ZNF722: variants seen among roughly 807,000 people sequenced by gnomAD.
The protein encoded by ZNF722 is zinc finger protein 722.
the ZNF722 span, among the ~76,000 whole-genome samples, chr7:64,001,751 TTTTG>T: frequency 2.4e-4 from 36 of 152,286 alleles, no homozygotes; most frequent in South Asian, 1.2e-3. Flanking sequence ...GCATCTGGTT[TTTTG>T]TTTGTTTATT....
At chr7:64,005,746 A>G in the ZNF722 span, 1 of 1,540,938 alleles carries the variant, frequency 6.5e-7, no homozygotes, top group Non-Finnish European at 8.8e-7. Flanking sequence ...TGGGTGAGGA[A>G]AACTTCAATA....
chr7:64,000,602 C>A, the ZNF722 span, among the ~76,000 whole-genome samples: 8 of 150,794 alleles, frequency 5.3e-5, no homozygotes, highest in Non-Finnish European at 1.0e-4. Flanking sequence ...AGGTACCCAC[C>A]ACCACACCTA....
the ZNF722 span, chr7:64,015,525 T>G: frequency 2.9e-5 from 46 of 1,613,288 alleles, no homozygotes; most frequent in Non-Finnish European, 3.9e-5. Context: ...TAGGTGGCCC[T>G]CAAACCTTAC....
the ZNF722 span, chr7:64,005,587 T>C: frequency 1.1e-6 from 1 of 944,092 alleles, no homozygotes; most frequent in Non-Finnish European, 1.7e-6. Flanking sequence ...TGAGTGTTTT[T>C]TGTTTTTGTT....
chr7:64,012,220 C>G, the ZNF722 span, among the ~76,000 whole-genome samples: 1 of 152,162 alleles, frequency 6.6e-6, no homozygotes, highest in Admixed American at 6.6e-5. Flanking sequence ...GTTCGAACAT[C>G]CTCCTTTAGC....
At chr7:64,001,483 C>T in the ZNF722 span, among the ~76,000 whole-genome samples, 3 of 152,156 alleles carry the variant, frequency 2.0e-5, no homozygotes, top group Admixed American at 6.6e-5. Flanking sequence ...TTTTCTTTAT[C>T]CACTCTACCA....
the ZNF722 span, among the ~76,000 whole-genome samples, chr7:64,007,235 T>C: frequency 1.6e-4 from 22 of 136,494 alleles, no homozygotes; most frequent in African/African-American, 5.3e-4. Context: ...TGTGTGTATA[T>C]ATATATATAT....
At chr7:64,003,567 G>C in the ZNF722 span, among the ~76,000 whole-genome samples, 4 of 152,024 alleles carry the variant, frequency 2.6e-5, no homozygotes, top group African/African-American at 9.7e-5. Context: ...CCATCTGTTT[G>C]GAACTTGCAA....
At chr7:64,000,783 G>T in the ZNF722 span, among the ~76,000 whole-genome samples, 1 of 149,960 alleles carries the variant, frequency 6.7e-6, no homozygotes, top group Non-Finnish European at 1.5e-5. Context: ...TTTTTTGGCG[G>T]GGGGAGCGGG....
the ZNF722 span, among the ~76,000 whole-genome samples, chr7:64,004,425 A>AAAAAAAAAAATATATATATAT: frequency 1.6e-5 from 1 of 61,108 alleles, no homozygotes; most frequent in African/African-American, 8.0e-5. Context: ...AAAAAAAAAA[A>AAAAAAAAAAATATATATATAT]ATATATATAT....
the ZNF722 span, among the ~76,000 whole-genome samples, chr7:64,007,812 C>G: frequency 6.6e-6 from 1 of 152,122 alleles, no homozygotes; most frequent in Non-Finnish European, 1.5e-5. Flanking sequence ...CTTGAGGAAT[C>G]GCCACACTGT....
chr7:64,013,802 T>G, the ZNF722 span, among the ~76,000 whole-genome samples: 2 of 152,156 alleles, frequency 1.3e-5, no homozygotes, highest in African/African-American at 4.8e-5. Context: ...CTTTTCAGCA[T>G]TTTATTTAGG....
the ZNF722 span, chr7:64,015,730 A>C: frequency 6.2e-6 from 10 of 1,613,808 alleles, no homozygotes; most frequent in Non-Finnish European, 8.5e-6. Context: ...CATACTGGAG[A>C]GAAACCCTAC....
chr7:64,013,282 T>A, the ZNF722 span, among the ~76,000 whole-genome samples: 1 of 152,160 alleles, frequency 6.6e-6, no homozygotes, highest in Non-Finnish European at 1.5e-5. Context: ...TTTTTGTCAA[T>A]ATTTGCTTTA....
At chr7:63,999,552 T>C in the ZNF722 span, among the ~76,000 whole-genome samples, 1 of 152,288 alleles carries the variant, frequency 6.6e-6, no homozygotes, top group Admixed American at 6.5e-5. Flanking sequence ...CCAAATTCAG[T>C]AATTGGTTTG....
chr7:63,999,241 C>G, the ZNF722 span, among the ~76,000 whole-genome samples: 1 of 152,164 alleles, frequency 6.6e-6, no homozygotes. Flanking sequence ...CTGGAGGCCT[C>G]TCTGGGCAGC....
chr7:64,001,322 C>T, the ZNF722 span, among the ~76,000 whole-genome samples: 3 of 152,182 alleles, frequency 2.0e-5, no homozygotes, highest in Admixed American at 1.3e-4. Flanking sequence ...TTTGCTCCCA[C>T]TTATAAGTGA....
the ZNF722 span, among the ~76,000 whole-genome samples, chr7:64,004,179 T>A: frequency 9.3e-5 from 14 of 150,830 alleles, no homozygotes; most frequent in South Asian, 2.9e-3. Flanking sequence ...GGCAGGCGGA[T>A]CATGTGAGGT....
the ZNF722 span, chr7:64,006,328 G>C: frequency 1.5e-6 from 2 of 1,292,624 alleles, no homozygotes; most frequent in Non-Finnish European, 1.1e-6. Flanking sequence ...AGGTAGGTGA[G>C]AGCGAATGAA....
Sources: allele counts gnomAD v4.1 joint callset (sites outside exome capture counted in the v4.1 genomes callset), GRCh38; gene constraint gnomAD v4.1.1; transcripts MANE v1.5; gene names NCBI Gene and HGNC (gene_info 2026-07-23, HGNC 2026-07-21).